The following SOX6 variants were observed in gnomAD, a reference collection of about 807,000 sequenced individuals.
SOX6 encodes the protein SRY-box transcription factor 6.
Under a neutral mutation model 97.8 loss-of-function variants are expected in SOX6, and 11 were observed. That is an observed-to-expected ratio of 0.11 (90% CI 0.07 to 0.19). The LOEUF is 0.19. Among genes scored for constraint, SOX6 ranks in the 10% least tolerant of loss-of-function variants. The pLI, the probability that SOX6 is intolerant of heterozygous loss-of-function variation, is 1.00. For missense variants in SOX6, 810 were observed against 1,039.5 expected, an observed-to-expected ratio of 0.78 and a Z score of 3.04; for synonymous variants, 360 against 371.4, an observed-to-expected ratio of 0.97 and a Z score of 0.35.
At chr11:16,370,605 A>T (rs900514731) in intron 1 of SOX6, among the ~76,000 whole-genome samples, 1 of 152,030 alleles carries the variant, frequency 6.6e-6, no homozygotes, top group African/African-American at 2.4e-5. Flanking sequence ...TGCCTACTCC[A>T]TATCTCCATT....
intron 1 of SOX6, among the ~76,000 whole-genome samples, chr11:16,469,324 G>A (rs1860100516): frequency 6.6e-6 from 1 of 152,022 alleles, no homozygotes; most frequent in African/African-American, 2.4e-5. Flanking sequence ...AGTTTCATTA[G>A]ACAACAAGCA....
chr11:16,654,842 C>G (rs769609317), intron 3 of SOX6, among the ~76,000 whole-genome samples: 2 of 152,066 alleles, frequency 1.3e-5, no homozygotes, highest in Non-Finnish European at 2.9e-5. Flanking sequence ...CTATGATGAA[C>G]CTGTTGAGGG....
At chr11:16,053,084 A>G (rs1382200675) in intron 10 of SOX6, among the ~76,000 whole-genome samples, 1 of 152,066 alleles carries the variant, frequency 6.6e-6, no homozygotes, top group Non-Finnish European at 1.5e-5. Context: ...CACAAATTCC[A>G]TCTGCATTAG....
At chr11:15,996,549 A>C (rs2119853790) in intron 13 of SOX6, among the ~76,000 whole-genome samples, 1 of 152,200 alleles carries the variant, frequency 6.6e-6, no homozygotes, top group East Asian at 1.9e-4. Flanking sequence ...GGATTGCTTG[A>C]GCCCAGGAGG....
chr11:16,645,122 A>G (rs745810139), intron 3 of SOX6, among the ~76,000 whole-genome samples: 5 of 152,218 alleles, frequency 3.3e-5, no homozygotes, highest in Non-Finnish European at 7.3e-5. Context: ...CGTCATCCTT[A>G]CAATCACAGA....
At chr11:16,508,782 T>C (rs1860832358) in intron 4 of SOX6, among the ~76,000 whole-genome samples, 1 of 152,052 alleles carries the variant, frequency 6.6e-6, no homozygotes, top group African/African-American at 2.4e-5. Context: ...CAGAGTAGGA[T>C]GACTATCATT....
chr11:16,507,220 A>C (rs1177810881), intron 4 of SOX6, among the ~76,000 whole-genome samples: 1 of 152,156 alleles, frequency 6.6e-6, no homozygotes, highest in Non-Finnish European at 1.5e-5. Flanking sequence ...CCAGAAGCAG[A>C]AGCCTGTATA....
intron 6 of SOX6, among the ~76,000 whole-genome samples, chr11:16,166,992 G>A (rs754504185): frequency 1.3e-5 from 2 of 152,062 alleles, no homozygotes; most frequent in South Asian, 2.1e-4. Context: ...TGAAAACTAC[G>A]CATACATTGA....
chr11:16,201,042 A>G (rs981254221), intron 4 of SOX6, among the ~76,000 whole-genome samples: 16 of 151,708 alleles, frequency 1.1e-4, no homozygotes, highest in African/African-American at 3.6e-4. Flanking sequence ...GCTTGAACCC[A>G]GGAGACGGAG....
At chr11:16,019,112 G>A (rs532777347) in intron 12 of SOX6, among the ~76,000 whole-genome samples, 77 of 152,132 alleles carry the variant, frequency 5.1e-4, no homozygotes, top group African/African-American at 1.7e-3. Context: ...AAAACAACAC[G>A]TGAAATGTAA....
chr11:16,394,067 C>G lies in SOX6; in HGVS notation c.-4-52815G>C, dbSNP rs1194482540. On this transcript the variant is annotated intron_variant, in intron 1 of 15. Transcript: ENST00000396356. ...AAGATAATAATAGCTCTACTTTAAC[C>G]ATTTCACAGGATTACTATAAGGCCT... is the stretch of plus-strand genomic sequence containing the variant. Among the ~76,000 whole-genome samples, 3 of 152,044 alleles carry G rather than the reference C, an allele frequency of 2.0e-5. No homozygotes were observed. In the South Asian group the frequency reaches 6.2e-4, roughly 32 times the overall value.
intron 6 of SOX6, among the ~76,000 whole-genome samples, chr11:16,157,756 T>G (rs1399855180): frequency 1.3e-5 from 2 of 152,050 alleles, no homozygotes; most frequent in Non-Finnish European, 2.9e-5. Context: ...TACTGAGAAA[T>G]GAATTTATTT....
intron 3 of SOX6, among the ~76,000 whole-genome samples, chr11:16,283,031 A>ATG (rs1456924609): frequency 6.4e-5 from 9 of 140,410 alleles, no homozygotes; most frequent in Non-Finnish European, 1.4e-4. Context: ...ATATATATAT[A>ATG]TATATATATA....
rs540102555 is a variant in SOX6 at position 16,725,541 on chromosome 11, C to G, written n.354-10636G>C. ...AATGCTAAGTGAAAGGAACCAGTCA[C>G]AAAAGACCACATATTGTATGATTCC... On this transcript the variant is annotated intron_variant and non_coding_transcript_variant, in intron 2 of 5. Coordinates refer to the SOX6 transcript ENST00000524520. 3.3e-5 allele frequency among the ~76,000 whole-genome samples: 5 copies of G among 151,906 alleles called. No homozygotes were observed. In the East Asian group the frequency reaches 9.7e-4, roughly 29 times the overall value.
chr11:16,527,059 G>C (rs1420775942), intron 4 of SOX6, among the ~76,000 whole-genome samples: 1 of 152,006 alleles, frequency 6.6e-6, no homozygotes, highest in African/African-American at 2.4e-5. Context: ...CGGCCAAAAA[G>C]GACTTTTCAC....
intron 3 of SOX6, chr11:16,316,940 T>C (rs923453759): frequency 2.0e-5 from 3 of 152,052 alleles, no homozygotes; most frequent in Non-Finnish European, 2.9e-5. Flanking sequence ...ACATACTTGT[T>C]CATATTTCAA....
At chr11:16,173,305 C>T (rs1851089894) in intron 6 of SOX6, among the ~76,000 whole-genome samples, 2 of 151,810 alleles carry the variant, frequency 1.3e-5, no homozygotes, top group African/African-American at 4.8e-5. Context: ...GGAGTATATC[C>T]TTGGAACTTC....
intron 3 of SOX6, among the ~76,000 whole-genome samples, chr11:16,615,495 C>CA (rs1848460438): frequency 6.6e-6 from 1 of 152,162 alleles, no homozygotes; most frequent in Admixed American, 6.5e-5. Flanking sequence ...AGTCAGGGAC[C>CA]AATTCCATTA....
intron 3 of SOX6, among the ~76,000 whole-genome samples, chr11:16,302,068 C>T (rs1256033276): frequency 6.6e-6 from 1 of 152,122 alleles, no homozygotes; most frequent in African/African-American, 2.4e-5. Context: ...CTGATTCCTT[C>T]TCTCTTCTTC....
Sources: gnomAD v4.1 joint callset for allele counts (sites outside exome capture counted in the v4.1 genomes callset) on GRCh38, gnomAD v4.1.1 for gene constraint, MANE v1.5 for transcripts, NCBI Gene and HGNC (gene_info 2026-07-23, HGNC 2026-07-21) for gene names.